The following DMD variants were observed in gnomAD, a reference collection of about 807,000 sequenced individuals.
DMD encodes the protein dystrophin.
DMD carries 63 observed loss-of-function variants against 330.1 expected under a neutral mutation model. That is an observed-to-expected ratio of 0.19 (90% confidence interval 0.16 to 0.24). The LOEUF (loss-of-function observed/expected upper bound fraction) is 0.24. Among genes scored for constraint, DMD ranks in the 10% least tolerant of loss-of-function variants. The pLI, the probability that DMD is intolerant of heterozygous loss-of-function variation, is 1.00. For missense variants in DMD, 3,344 were observed against 2,684.1 expected (o/e 1.25, Z -5.43); for synonymous variants, 1,223 against 959.8 (o/e 1.27, Z -5.07).
chrX:31,506,849 T>A (rs1331617639), intron 56 of DMD, among the ~76,000 whole-genome samples: 1 of 112,267 alleles, frequency 8.9e-6, no homozygotes, highest in African/African-American at 3.2e-5. Context: ...AGGTTTTATA[T>A]TATATAATTG....
At chrX:31,753,462 T>G (rs1388088512) in intron 51 of DMD, among the ~76,000 whole-genome samples, 1 of 111,769 alleles carries the variant, frequency 8.9e-6, no homozygotes, top group Non-Finnish European at 1.9e-5. Flanking sequence ...ATACAAGTTA[T>G]GAAGTGGAAG....
chrX:31,262,956 A>G (rs1355464067), intron 62 of DMD, among the ~76,000 whole-genome samples: 1 of 112,733 alleles, frequency 8.9e-6, no homozygotes, highest in Non-Finnish European at 1.9e-5. Context: ...ACCACCCTGC[A>G]TTCAGGCCTC....
intron 12 of DMD, among the ~76,000 whole-genome samples, chrX:32,610,164 T>G (rs1460343845): frequency 3.6e-5 from 4 of 111,078 alleles, no homozygotes; most frequent in Non-Finnish European, 7.6e-5. Flanking sequence ...GTGATATATT[T>G]TTTCACAGGG....
intron 2 of DMD, among the ~76,000 whole-genome samples, chrX:32,878,660 T>C (rs1289271264): frequency 9.0e-6 from 1 of 110,888 alleles, no homozygotes; most frequent in Non-Finnish European, 1.9e-5. Flanking sequence ...TTTTAAATAA[T>C]ATCAAATTTT....
intron 1 of DMD, among the ~76,000 whole-genome samples, chrX:33,320,725 G>A (rs776067835): frequency 8.0e-5 from 9 of 112,135 alleles, no homozygotes; most frequent in Non-Finnish European, 1.7e-4. Flanking sequence ...TTTCTTTGTA[G>A]CATGTGCTGC....
Position 31,647,903 on chromosome X carries a change from C to G in DMD, c.8027+10087G>C, listed in dbSNP as rs192004587. 3.6e-5 allele frequency among the ~76,000 whole-genome samples: 4 copies of G among 112,078 alleles called. No individual in the cohort carries two copies. The East Asian group carries it at 1.1e-3, about 31-fold the overall frequency. ...ACTGCTTTGAATGGGGAATTGATTT[C>G]CTAGTTAATTTAAATAATTTTCATC... On this transcript the variant is annotated intron_variant, in intron 54 of 78. Coordinates refer to ENST00000357033, the MANE Select transcript of DMD (RefSeq NM_004006.3).
chrX:32,608,653 G>C (rs532817512), intron 12 of DMD, among the ~76,000 whole-genome samples: 95 of 110,435 alleles, frequency 8.6e-4, no homozygotes, highest in African/African-American at 3.1e-3. Context: ...AGTTAGCCAT[G>C]ATGGAGACGA....
At chrX:33,249,229 C>T (rs1014598392) in intron 1 of DMD, among the ~76,000 whole-genome samples, 6 of 112,098 alleles carry the variant, frequency 5.4e-5, no homozygotes, top group Admixed American at 1.9e-4. Flanking sequence ...CGGCTCATTG[C>T]GACCTCCACC....
chrX:32,616,426 A>G (rs936077634), intron 11 of DMD, among the ~76,000 whole-genome samples: 45 of 110,532 alleles, frequency 4.1e-4, no homozygotes, highest in African/African-American at 1.4e-3. Context: ...CATAGCATGG[A>G]CTCATGTATA....
intron 55 of DMD, among the ~76,000 whole-genome samples, chrX:31,558,985 C>T (rs1281783224): frequency 8.9e-6 from 1 of 111,814 alleles, no homozygotes; most frequent in Non-Finnish European, 1.9e-5. Flanking sequence ...AAAATTACCA[C>T]ATCATTCCCA....
At chrX:32,899,766 G>T (rs1289863203) in intron 2 of DMD, among the ~76,000 whole-genome samples, 2 of 111,061 alleles carry the variant, frequency 1.8e-5, no homozygotes, top group Non-Finnish European at 3.8e-5. Flanking sequence ...TTCTTATATT[G>T]GTTCTGGTAT....
chrX:32,819,816 AT>A (rs1387758407), intron 5 of DMD, among the ~76,000 whole-genome samples: 3 of 106,865 alleles, frequency 2.8e-5, no homozygotes, highest in Non-Finnish European at 5.8e-5. Flanking sequence ...GGCTTCTACC[AT>A]TTAATAGGAA....
At chrX:31,830,786 A>C (rs894954740) in intron 49 of DMD, among the ~76,000 whole-genome samples, 5 of 111,541 alleles carry the variant, frequency 4.5e-5, no homozygotes, top group Non-Finnish European at 9.4e-5. Context: ...GATGTTAAAA[A>C]ACACTCATAG....
At chrX:33,278,847 G>T (rs762908308) in intron 1 of DMD, among the ~76,000 whole-genome samples, 1 of 111,432 alleles carries the variant, frequency 9.0e-6, no homozygotes, top group African/African-American at 3.3e-5. Flanking sequence ...ATGATAAAGG[G>T]TGTAATTCAA....
intron 42 of DMD, among the ~76,000 whole-genome samples, chrX:32,302,293 G>T (rs2097526283): frequency 9.0e-6 from 1 of 111,242 alleles, no homozygotes; most frequent in East Asian, 2.8e-4. Flanking sequence ...CATGTTTAAG[G>T]TAAGCTAGGC....
At position 32,565,770 on chromosome X, in the gene DMD, C is replaced by T. The variant is rs779138399; in HGVS notation, c.1924G>A (p.Ala642Thr). 19 of 1,209,900 alleles carry T rather than the reference C, an allele frequency of 1.6e-5. No individual in the cohort carries two copies. In the South Asian group the frequency reaches 3.3e-4, roughly 21 times the overall value. ...KNKSVTQKTE[A>T]WLDNFARCWD... is the part of the protein sequence containing the mutation. ...CACCGGGCAAAGTTATCCAGCCATG[C>T]TTCCGTCTTCTGGGTCACTGACTTA... The change falls in exon 16 of 79, where the codon GCA (alanine) becomes ACA (threonine). Residue 642 changes from alanine to threonine, a missense_variant. Physicochemically the swap from Ala to Thr is moderately conservative, Grantham distance 58. Transcript: ENST00000357033.
At chrX:31,469,258 T>C (rs529132734) in intron 59 of DMD, among the ~76,000 whole-genome samples, 1 of 111,869 alleles carries the variant, frequency 8.9e-6, no homozygotes, top group African/African-American at 3.3e-5. Flanking sequence ...AGTTTCTTCA[T>C]AGTGTGATGG....
chrX:32,318,637 C>T (rs1569557430), intron 41 of DMD, among the ~76,000 whole-genome samples: 1 of 110,331 alleles, frequency 9.1e-6, no homozygotes, highest in African/African-American at 3.3e-5. Flanking sequence ...GCTATGTAAC[C>T]AAAAAAAGGG....
rs373490488 is a variant in DMD, at chrX:31,154,456, C to CT, written c.10554-6939dup. On this transcript the variant is annotated intron_variant, in intron 74 of 78. Transcript: ENST00000357033. ...TACAGGTGCCCGCCACCACGCCCGG[C>CT]TTTTTTTTTTTGTATTTTTAGTAGA... 3.7e-3 allele frequency among the ~76,000 whole-genome samples: 375 copies of CT among 100,172 alleles called. 2 individuals carry two copies. Among genetic ancestry groups the CT allele is most frequent in the African/African-American group, 0.012 (316 of 27,261 alleles). 87.0% of individuals were successfully genotyped at this position (100,172 alleles called of 115,157 possible). A position where few individuals can be genotyped will look rare whatever the true frequency, so the allele number is the denominator to read the frequency against.
Sources: allele counts gnomAD v4.1 joint callset (sites outside exome capture counted in the v4.1 genomes callset), GRCh38; gene constraint gnomAD v4.1.1; transcripts MANE v1.5; gene names NCBI Gene and HGNC (gene_info 2026-07-23, HGNC 2026-07-21).